Variants in CUBN observed in about 807,000 individuals in gnomAD.
CUBN encodes the protein cubilin.
CUBN carries 282 observed loss-of-function variants against 405.3 expected under a neutral mutation model. The ratio of observed to expected loss-of-function variants is 0.70; its 90% CI spans 0.63 to 0.77. The LOEUF is 0.77. Among genes scored for constraint, CUBN ranks in the 30% least tolerant of loss-of-function variants. CUBN has a pLI of 0.00. For missense variants in CUBN, 4,514 were observed against 4,475.2 expected (o/e 1.01, Z -0.25); for synonymous variants, 1,684 against 1,617.0 (o/e 1.04, Z -0.99).
Position 17,114,142 on chromosome 10 carries a change from G to C in CUBN, c.768C>G (p.Asn256Lys). The change falls in exon 8 of 67, where the codon AAC becomes AAG. Residue 256 changes from asparagine to lysine, a missense_variant. Physicochemically the swap from Asn to Lys is moderately conservative, Grantham distance 94 (BLOSUM62 0). Around this residue, in one of 5 missense-constraint regions of CUBN, gnomAD observed 1,448 missense variants for 1,388.0 expected, o/e 1.04. Transcript: ENST00000377833. ...CTCTGTCCAGCGTGCAGGCAGGGCTGTTGGGTGAAAACATCCACCCAGCAT... is the reference window on the plus strand; with the variant it reads ...CTCTGTCCAGCGTGCAGGCAGGGCTCTTGGGTGAAAACATCCACCCAGCAT... ...VCDAGWMFSP[N>K]SPACTLDRDE... The C allele has an allele frequency of 6.2e-7, 1 of 1,613,754 alleles. No homozygotes were observed. The highest frequency in any genetic ancestry group is 8.5e-7 in the Non-Finnish European group (1 of 1,179,878).
intron 28 of CUBN, among the ~76,000 whole-genome samples, chr10:17,015,942 C>T (rs1345904061): frequency 6.6e-6 from 1 of 152,154 alleles, no homozygotes. Flanking sequence ...TTTCTCTGAT[C>T]TCACTTTTCC....
In CUBN at chr10:16,925,343, A is replaced by G. The variant is rs1842153847; in HGVS notation, c.6544T>C (p.Ser2182Pro). 1 of 1,613,990 alleles carries G rather than the reference A, an allele frequency of 6.2e-7. No individual in the cohort carries two copies. Among genetic ancestry groups the G allele is most frequent in the African/African-American group, 1.3e-5 (1 of 75,058 alleles). Residue 2182 changes from serine to proline, a missense_variant, in exon 43 of 67, where the codon TCA becomes CCA. Ser to Pro is a moderately conservative substitution (Grantham distance 74). This residue lies in a region of CUBN where 1,613 missense variants were observed against 1,542.8 expected (regional missense o/e 1.05). Transcript: ENST00000377833. ...NGHFCGSHAS[S>P]TLFTSDNQMF... The stretch of plus-strand genomic sequence containing the variant: ...TGATTATCCGAGGTGAACAGAGTTG[A>G]TGAAGCATGACTGCCACAAAAATGA...
intron 58 of CUBN, among the ~76,000 whole-genome samples, 170 bp from the exon 59 acceptor site, chr10:16,870,023 G>A (rs1840305188): frequency 6.6e-6 from 1 of 152,184 alleles, no homozygotes; most frequent in Non-Finnish European, 1.5e-5. Context: ...CAGTTCAAAA[G>A]TTTAGCCAAA....
chr10:17,057,742 C>G (rs559732910), intron 22 of CUBN, among the ~76,000 whole-genome samples: 6 of 151,900 alleles, frequency 3.9e-5, no homozygotes, highest in East Asian at 3.9e-4. Flanking sequence ...TATGATATAT[C>G]GATGCAATGG....
intron 64 of CUBN, among the ~76,000 whole-genome samples, chr10:16,833,409 C>T (rs1009076995): frequency 3.3e-5 from 5 of 152,080 alleles, no homozygotes; most frequent in Admixed American, 6.5e-5. Context: ...GAGCTTCCTC[C>T]GAGTGTTATT....
intron 2 of CUBN, among the ~76,000 whole-genome samples, chr10:17,128,323 C>T (rs1199904441): frequency 1.3e-5 from 2 of 152,182 alleles, no homozygotes; most frequent in African/African-American, 4.8e-5. Context: ...ACAATAAAGG[C>T]CACCTCATAG....
intron 28 of CUBN, among the ~76,000 whole-genome samples, chr10:16,993,876 AAC>A (rs1220378152): frequency 3.9e-5 from 6 of 152,170 alleles, no homozygotes; most frequent in Non-Finnish European, 8.8e-5. Flanking sequence ...GAGGGAAAGA[AAC>A]AGTTAGGGCT....
chr10:16,843,434 T>C (rs955999405), intron 60 of CUBN, among the ~76,000 whole-genome samples: 64 of 152,254 alleles, frequency 4.2e-4, no homozygotes, highest in African/African-American at 1.4e-3. Context: ...AAACCAGTCA[T>C]TGTAAAAGAA....
intron 41 of CUBN, among the ~76,000 whole-genome samples, chr10:16,927,338 A>T (rs1194799489): frequency 3.3e-5 from 5 of 152,098 alleles, no homozygotes; most frequent in Admixed American, 3.3e-4. Flanking sequence ...AGCTAGTTAA[A>T]TTGTAGAGGT....
intron 31 of CUBN, among the ~76,000 whole-genome samples, chr10:16,963,466 C>A (rs1402053398): frequency 6.6e-6 from 1 of 152,074 alleles, no homozygotes; most frequent in Non-Finnish European, 1.5e-5. Flanking sequence ...GGATTACAGG[C>A]ATGAGCCACT....
rs758469335 is a variant in CUBN, at chr10:17,104,563, T to A, written c.1273A>T (p.Thr425Ser). The change falls in exon 12 of 67, where the codon ACA becomes TCA. Residue 425 changes from threonine (T) to serine (S), a missense_variant. Physicochemically the swap from Thr to Ser is moderately conservative, Grantham distance 58 (BLOSUM62 1). Coordinates refer to ENST00000377833, the MANE Select transcript of CUBN (RefSeq NM_001081.4). ...ATGTTTTCTGTACAGTTGACACCTG[T>A]CCAACCTGAGTCACACTTACAAAAA... ...GYFCKCDSGW[T>S]GVNCTENINE... The A allele has an allele frequency of 6.2e-7, 1 of 1,613,666 alleles. No homozygotes were observed. The highest frequency in any genetic ancestry group is 2.2e-5 in the East Asian group (1 of 44,850).
Position 17,109,248 on chromosome 10 carries a change from G to C in CUBN, c.1111+392C>G, listed in dbSNP as rs542571889. On this transcript the variant is annotated intron_variant, in intron 10 of 66. Transcript: ENST00000377833. ...CTTTCTGAACTCCTTATTTCAGCTGGACTCAGGATGCCTGAAATATAGAGT... is the reference window on the plus strand; with the variant it reads ...CTTTCTGAACTCCTTATTTCAGCTGCACTCAGGATGCCTGAAATATAGAGT... Among the ~76,000 whole-genome samples the C allele has an allele frequency of 6.6e-5, 10 of 152,158 alleles. No homozygotes were observed. The East Asian group carries it at 1.9e-3, about 30-fold the overall frequency.
At chr10:16,965,959 C>T (rs965005723) in intron 31 of CUBN, 11 of 470,962 alleles carry the variant, frequency 2.3e-5, no homozygotes, top group East Asian at 6.9e-5. Flanking sequence ...GTCTGACGTC[C>T]GACCAAGTAT....
At chr10:17,087,638 G>A (rs894575879) in intron 15 of CUBN, among the ~76,000 whole-genome samples, 2 of 151,702 alleles carry the variant, frequency 1.3e-5, no homozygotes, top group African/African-American at 4.8e-5. Context: ...ACCTCGCCCA[G>A]CTAGTTTTTG....
At chr10:16,957,446 GTC>G (rs965356941) in intron 31 of CUBN, among the ~76,000 whole-genome samples, 6 of 152,076 alleles carry the variant, frequency 3.9e-5, no homozygotes, top group African/African-American at 1.4e-4. Flanking sequence ...CCATTGATAA[GTC>G]TTTTTGTCTT....
intron 61 of CUBN, 57 bp downstream of exon 61, chr10:16,840,828 T>A (rs1486200875): frequency 6.9e-7 from 1 of 1,449,432 alleles, no homozygotes; most frequent in Admixed American, 1.7e-5. Flanking sequence ...GGCATTCTTT[T>A]CAGTGCATAA....
intron 53 of CUBN, among the ~76,000 whole-genome samples, chr10:16,899,879 C>T (rs189083789): frequency 1.3e-5 from 2 of 152,290 alleles, no homozygotes; most frequent in African/African-American, 4.8e-5. Flanking sequence ...CAAAGAGCTT[C>T]ATAATAACTG....
At chr10:16,837,722 A>AT (rs1249491601) in intron 62 of CUBN, among the ~76,000 whole-genome samples, 1 of 152,038 alleles carries the variant, frequency 6.6e-6, no homozygotes, top group Non-Finnish European at 1.5e-5. Context: ...CTACTCTTGG[A>AT]TACCCCGAGA....
intron 60 of CUBN, among the ~76,000 whole-genome samples, chr10:16,850,584 G>A (rs1390637797): frequency 6.6e-6 from 1 of 152,132 alleles, no homozygotes; most frequent in African/African-American, 2.4e-5. Context: ...CGATTCTCCT[G>A]CCTCAGCCTC....
Sources: allele counts gnomAD v4.1 joint callset (sites outside exome capture counted in the v4.1 genomes callset), GRCh38; gene constraint gnomAD v4.1.1; regional missense constraint gnomAD v4.1.1; transcripts MANE v1.5; gene names NCBI Gene and HGNC (gene_info 2026-07-23, HGNC 2026-07-21).